The following RASA1 variants were observed in gnomAD, a reference collection of about 807,000 sequenced individuals.
The protein encoded by RASA1 is RAS p21 protein activator 1.
In RASA1, 25 loss-of-function variants were observed where a neutral mutation model predicts 132.2. That is an observed-to-expected ratio of 0.19 (90% CI 0.14 to 0.26). RASA1 has a LOEUF of 0.26. Among genes scored for constraint, RASA1 ranks in the 10% least tolerant of loss-of-function variants. RASA1 has a pLI of 1.00. For synonymous variants in RASA1, 477 were observed against 449.9 expected (o/e 1.06, Z -0.76); for missense variants, 964 against 1,299.2 (o/e 0.74, Z 3.97).
intron 1 of RASA1, among the ~76,000 whole-genome samples, chr5:87,306,829 G>A (rs896666352): frequency 1.3e-5 from 2 of 151,546 alleles, no homozygotes; most frequent in African/African-American, 2.4e-5. Flanking sequence ...CTCCTTTCTC[G>A]TACTGTACAT....
intron 1 of RASA1, among the ~76,000 whole-genome samples, chr5:87,285,345 G>A (rs1754502946): frequency 6.6e-6 from 1 of 151,918 alleles, no homozygotes; most frequent in African/African-American, 2.4e-5. Context: ...GGGATTACAG[G>A]CGTGAGCCAC....
At chr5:87,334,068 G>A (rs1426717811) in intron 4 of RASA1, among the ~76,000 whole-genome samples, 1 of 152,168 alleles carries the variant, frequency 6.6e-6, no homozygotes, top group African/African-American at 2.4e-5. Context: ...CATTTAGAAG[G>A]TTCATGTATT....
chr5:87,274,763 G>A (rs969510109), intron 1 of RASA1, among the ~76,000 whole-genome samples: 5 of 152,142 alleles, frequency 3.3e-5, no homozygotes, highest in Admixed American at 2.6e-4. Context: ...AAAATAGCAG[G>A]TATGTTTTTC....
Position 87,374,263 on chromosome 5 carries a change from C to G in RASA1, c.1877C>G (p.Ala626Gly), listed in dbSNP as rs745690594. The G allele has an allele frequency of 6.2e-7, 1 of 1,602,234 alleles. No individual in the cohort carries two copies. Among genetic ancestry groups the G allele is most frequent in the Non-Finnish European group, 8.5e-7 (1 of 1,173,232 alleles). The part of the protein sequence containing the change: ...CNIYLNSVQV[A>G]KTHAREGQNP... ...ATCTACCTGAATAGTGTCCAAGTAG[C>G]AAAAACTCATGCAAGGGAAGGGCAA... Residue 626 changes from alanine (A) to glycine (G), a missense_variant, in exon 14 of 25, where the codon GCA becomes GGA. By Grantham distance (60) the Ala-to-Gly change is moderately conservative. This residue lies in a region of RASA1 where 346 missense variants were observed against 520.1 expected (regional missense o/e 0.67). Transcript: ENST00000274376.
At chr5:87,318,831 C>T (rs1313798511) in intron 1 of RASA1, 1 of 152,224 alleles carries the variant, frequency 6.6e-6, no homozygotes, top group African/African-American at 2.4e-5. Context: ...GTCTTAACTC[C>T]TTCCAGCATT....
Position 87,268,678 on chromosome 5 carries a change from C to T in RASA1, c.227C>T (p.Ser76Phe), listed in dbSNP as rs1753678981. 1 of 1,611,440 alleles carries T rather than the reference C, an allele frequency of 6.2e-7. No homozygotes were observed. The highest frequency in any genetic ancestry group is 8.5e-7 in the Non-Finnish European group (1 of 1,178,998). Reference protein sequence around the residue: ...ALGSEFLGAGSVAGALGGAGL... With the variant: ...ALGSEFLGAGFVAGALGGAGL... The stretch of plus-strand genomic sequence containing the variant: ...GGGTCAGAGTTCCTAGGAGCCGGGT[C>T]TGTGGCAGGGGCACTGGGGGGAGCT... Residue 76 changes from serine to phenylalanine, a missense_variant, in exon 1 of 25, where the codon TCT (serine) becomes TTT (phenylalanine). Physicochemically the swap from Ser to Phe is radical, Grantham distance 155. Transcript: ENST00000274376.
chr5:87,384,826 GCAGAGGTCC>G (rs1176697315), intron 21 of RASA1, among the ~76,000 whole-genome samples: 1 of 152,040 alleles, frequency 6.6e-6, no homozygotes, highest in African/African-American at 2.4e-5. Flanking sequence ...TCAAAATAAA[GCAGAGGTCC>G]TAGACTTTAT....
rs1761002936 is a variant in RASA1 at position 87,372,253 on chromosome 5, T to A, written c.1776+58T>A. On this transcript the variant is annotated intron_variant, in intron 13 of 24. Transcript: ENST00000274376. Reference sequence around the variant, plus strand: ...CACATTTTGCTCTAACACTTTGCTCTTTTTATTTTATTTTTATCTGAACTG... The same window carrying A: ...CACATTTTGCTCTAACACTTTGCTCATTTTATTTTATTTTTATCTGAACTG... The A allele has an allele frequency of 3.4e-6, 5 of 1,486,008 alleles. No homozygotes were observed. In the South Asian group the frequency reaches 3.4e-5, roughly 10 times the overall value. 92.1% of individuals were successfully genotyped at this position (1,486,008 alleles called of 1,614,324 possible). A position where few individuals can be genotyped will look rare whatever the true frequency, so the allele number is the denominator to read the frequency against.
chr5:87,286,004 TTTATTA>T (rs1011121521), intron 1 of RASA1, among the ~76,000 whole-genome samples: 5 of 151,530 alleles, frequency 3.3e-5, no homozygotes, highest in African/African-American at 1.2e-4. Flanking sequence ...ACACCTTTCT[TTTATTA>T]TTATTATTTT....
chr5:87,321,229 T>C (rs1032040123), intron 1 of RASA1, among the ~76,000 whole-genome samples: 2 of 152,142 alleles, frequency 1.3e-5, no homozygotes, highest in African/African-American at 2.4e-5. Context: ...TAGGAAAAAC[T>C]CCCAAATTGT....
Position 87,268,331 on chromosome 5 carries a change from T to G in RASA1, c.-121T>G. 1 of 1,235,028 alleles carries G rather than the reference T, an allele frequency of 8.1e-7. No individual in the cohort carries two copies. The highest frequency in any genetic ancestry group is 1.6e-5 in the African/African-American group (1 of 63,752). The allele number at this position is 1,235,028 out of a possible 1,614,324, so 76.5% of individuals were successfully genotyped here. A position where few individuals can be genotyped will look rare whatever the true frequency, so the allele number is the denominator to read the frequency against. Reference sequence around the variant, plus strand: ...GGCGGGCTCTCTCCTTTTGTTGTTGTTTCCTCAGCCTGGGGAGCTGAAGGG... The same window carrying G: ...GGCGGGCTCTCTCCTTTTGTTGTTGGTTCCTCAGCCTGGGGAGCTGAAGGG... On this transcript the variant is annotated 5_prime_UTR_variant, in exon 1 of 25. Transcript: ENST00000274376.
Position 87,331,426 on chromosome 5 carries a change from A to G in RASA1, c.618A>G (p.Ile206Met), listed in dbSNP as rs763843462. The G allele has an allele frequency of 6.2e-7, 1 of 1,613,890 alleles. No homozygotes were observed. The highest frequency in any genetic ancestry group is 1.1e-5 in the South Asian group (1 of 91,080). The part of the protein sequence containing the change: ...RQAGKSGSYL[I>M]RESDRRPGSF... ...CAGGGAAGTCTGGCAGTTATCTTAT[A>G]AGAGAGAGTGATCGGAGGCCAGGGT... Residue 206 changes from isoleucine (I) to methionine (M), a missense_variant, in exon 2 of 25, where the codon ATA (isoleucine) becomes ATG (methionine). Around this residue, in one of 6 missense-constraint regions of RASA1, gnomAD observed 326 missense variants for 275.8 expected, o/e 1.18. Coordinates refer to ENST00000274376, the MANE Select transcript of RASA1 (RefSeq NM_002890.3).
rs769114964 is a variant in RASA1 at position 87,379,687 on chromosome 5, ATT to A, written c.2488-46_2488-45del. 173 of 1,601,378 alleles carry A rather than the reference ATT, an allele frequency of 1.1e-4. No individual in the cohort carries two copies. The African/African-American group carries it at 2.1e-3, about 19-fold the overall frequency. ...TACTTGTTTTCCTCTATTCATTTGCATTTGTCATTGCCAACATGCATTTATAT... is the reference window on the plus strand; with the variant it reads ...TACTTGTTTTCCTCTATTCATTTGCATGTCATTGCCAACATGCATTTATAT... On this transcript the variant is annotated intron_variant, in intron 18 of 24. Coordinates refer to ENST00000274376, the MANE Select transcript of RASA1 (RefSeq NM_002890.3).
chr5:87,366,660 T>C (rs966308738), intron 11 of RASA1, among the ~76,000 whole-genome samples: 1 of 152,242 alleles, frequency 6.6e-6, no homozygotes, highest in Non-Finnish European at 1.5e-5. Flanking sequence ...TTATATTTAA[T>C]GATACCAGGT....
At chr5:87,339,250 G>T (rs902519554) in intron 5 of RASA1, among the ~76,000 whole-genome samples, 4 of 152,126 alleles carry the variant, frequency 2.6e-5, no homozygotes, top group African/African-American at 9.7e-5. Context: ...AACATACTGA[G>T]TAGAGGTGGG....
chr5:87,306,894 T>A (rs1755639439), intron 1 of RASA1, among the ~76,000 whole-genome samples: 1 of 152,184 alleles, frequency 6.6e-6, no homozygotes, highest in Non-Finnish European at 1.5e-5. Flanking sequence ...GGTCTCACTC[T>A]GTCACCCAGA....
intron 19 of RASA1, among the ~76,000 whole-genome samples, chr5:87,380,214 C>G (rs1761613982): frequency 6.6e-6 from 1 of 152,094 alleles, no homozygotes; most frequent in East Asian, 1.9e-4. Context: ...CTCACTTGTT[C>G]AGGTAGAAGT....
chr5:87,370,711 T>C (rs1037153537), intron 12 of RASA1, among the ~76,000 whole-genome samples: 1 of 152,182 alleles, frequency 6.6e-6, no homozygotes, highest in Non-Finnish European at 1.5e-5. Context: ...GAGTATATGG[T>C]TGTATTTTAT....
intron 1 of RASA1, among the ~76,000 whole-genome samples, chr5:87,285,741 C>T (rs781147304): frequency 2.6e-5 from 4 of 151,108 alleles, no homozygotes; most frequent in Non-Finnish European, 5.9e-5. Flanking sequence ...GTCTCAGCCT[C>T]CTGAGTAGCT....
Sources: allele counts gnomAD v4.1 joint callset (sites outside exome capture counted in the v4.1 genomes callset), GRCh38; gene constraint gnomAD v4.1.1; regional missense constraint gnomAD v4.1.1; transcripts MANE v1.5; gene names NCBI Gene and HGNC (gene_info 2026-07-23, HGNC 2026-07-21).